Variants in GLRA3 observed in about 807,000 individuals in gnomAD.
GLRA3 encodes the protein glycine receptor subunit alpha-3.
A neutral mutation model predicts 60.4 loss-of-function variants in GLRA3; 44 were observed. The observed-to-expected ratio is 0.73, with a 90% CI of 0.57 to 0.94. The LOEUF is 0.94. GLRA3 is among the 40% of genes least tolerant of loss of function. The pLI is 0.00. For missense variants in GLRA3, 508 were observed against 564.6 expected, an observed-to-expected ratio of 0.90 and a Z score of 1.02; for synonymous variants, 223 against 192.9, an observed-to-expected ratio of 1.16 and a Z score of -1.29.
At position 174,705,090 on chromosome 4, in the gene GLRA3, T is replaced by C. The variant is rs1469197172; in HGVS notation, c.574+10398A>G. ...AAGATGGTACATTTTGTTTGTATATTGTTATACTTTGAATGTTTGTCCCTT... is the reference window on the plus strand; with the variant it reads ...AAGATGGTACATTTTGTTTGTATATCGTTATACTTTGAATGTTTGTCCCTT... On this transcript the variant is annotated intron_variant, in intron 5 of 9. Coordinates refer to ENST00000274093, the MANE Select transcript of GLRA3 (RefSeq NM_006529.4). Among the ~76,000 whole-genome samples the C allele has an allele frequency of 1.4e-5, 2 of 144,274 alleles. 1 individual carries two copies. The highest frequency in any genetic ancestry group is 3.1e-5 in the Non-Finnish European group (2 of 64,830). The allele number at this position is 144,274 out of a possible 152,430, so 94.6% of individuals were successfully genotyped here.
chr4:174,753,456 T>C (rs1737565787), intron 3 of GLRA3, among the ~76,000 whole-genome samples: 1 of 152,192 alleles, frequency 6.6e-6, no homozygotes, highest in Non-Finnish European at 1.5e-5. Flanking sequence ...TTATGACTAG[T>C]GCCAGTCATC....
intron 3 of GLRA3, among the ~76,000 whole-genome samples, chr4:174,733,292 T>C (rs536730834): frequency 6.6e-6 from 1 of 152,316 alleles, no homozygotes. Flanking sequence ...CAAAACACAC[T>C]GGACCTCTGA....
At chr4:174,754,652 C>A (rs1737619140) in intron 3 of GLRA3, among the ~76,000 whole-genome samples, 1 of 151,932 alleles carries the variant, frequency 6.6e-6, no homozygotes, top group Non-Finnish European at 1.5e-5. Context: ...AACCCATTGG[C>A]ATTAGATAAA....
chr4:174,669,792 C>G (rs1199968897), intron 7 of GLRA3, among the ~76,000 whole-genome samples: 1 of 152,054 alleles, frequency 6.6e-6, no homozygotes, highest in Non-Finnish European at 1.5e-5. Context: ...CTCAGGCTAG[C>G]CTTGAACTCC....
At chr4:174,743,120 A>T (rs1737090363) in intron 3 of GLRA3, among the ~76,000 whole-genome samples, 1 of 152,190 alleles carries the variant, frequency 6.6e-6, no homozygotes, top group Non-Finnish European at 1.5e-5. Context: ...GTTTCTGTAA[A>T]CCTTTTATAC....
At position 174,828,900 on chromosome 4, in the gene GLRA3, C is replaced by G; in HGVS notation, c.-89G>C. 1 of 916,458 alleles carries G rather than the reference C, an allele frequency of 1.1e-6. No individual in the cohort carries two copies. Among genetic ancestry groups the G allele is most frequent in the Non-Finnish European group, 1.8e-6 (1 of 550,956 alleles). The allele number at this position is 916,458 out of a possible 1,614,324, so 56.8% of individuals were successfully genotyped here. A position where few individuals can be genotyped will look rare whatever the true frequency, so the allele number is the denominator to read the frequency against. ...CAGAATGAAAATGTACAATCTAACCCCGCATGGTGTTGGTGTAGACTGATG... is the reference window on the plus strand; with the variant it reads ...CAGAATGAAAATGTACAATCTAACCGCGCATGGTGTTGGTGTAGACTGATG... On this transcript the variant is annotated 5_prime_UTR_variant, in exon 1 of 10. Transcript: ENST00000274093.
rs191022666 is a variant in GLRA3, at chr4:174,654,658, T to C, written c.1116+2085A>G. ...AATGCATTAAAGCAATCTCATTTCA[T>C]TCATATCTCTCAACAAATAACATGT... On this transcript the variant is annotated intron_variant, in intron 9 of 9. Coordinates refer to ENST00000274093, the MANE Select transcript of GLRA3 (RefSeq NM_006529.4). Among the ~76,000 whole-genome samples the C allele has an allele frequency of 2.0e-3, 310 of 152,268 alleles. 1 individual carries two copies. Among genetic ancestry groups the C allele is most frequent in the African/African-American group, 7.2e-3 (300 of 41,550 alleles).
chr4:174,769,540 T>C (rs528927444), intron 2 of GLRA3, among the ~76,000 whole-genome samples: 1 of 152,252 alleles, frequency 6.6e-6, no homozygotes, highest in South Asian at 2.1e-4. Context: ...TACAGATCCA[T>C]CAGGTTCTCT....
At chr4:174,680,815 T>C (rs1216193896) in intron 6 of GLRA3, among the ~76,000 whole-genome samples, 1 of 152,206 alleles carries the variant, frequency 6.6e-6, no homozygotes, top group East Asian at 1.9e-4. Flanking sequence ...AACTTAAGTA[T>C]ATTTCATTTT....
intron 5 of GLRA3, among the ~76,000 whole-genome samples, chr4:174,709,533 GCAA>G (rs548964183): frequency 1.5e-3 from 226 of 152,084 alleles, no homozygotes; most frequent in Middle Eastern, 0.01. Flanking sequence ...ATAAATGAAA[GCAA>G]CACGTTTTCT....
At chr4:174,661,083 C>A (rs10017315) in intron 7 of GLRA3, among the ~76,000 whole-genome samples, 13,744 of 152,088 alleles carry the variant, frequency 0.09, 923 homozygotes, top group African/African-American at 0.17. Context: ...TTTTTAGAAA[C>A]CAAGATCTGG....
At chr4:174,783,022 G>C (rs1285212479) in intron 2 of GLRA3, among the ~76,000 whole-genome samples, 1 of 152,164 alleles carries the variant, frequency 6.6e-6, no homozygotes, top group Admixed American at 6.5e-5. Flanking sequence ...TCAATCCTAA[G>C]CCAAAAGAAC....
At position 174,828,869 on chromosome 4, in the gene GLRA3, G is replaced by C. The variant is rs561739700; in HGVS notation, c.-58C>G. The C allele has an allele frequency of 4.4e-6, 5 of 1,137,128 alleles. No individual in the cohort carries two copies. The highest frequency in any genetic ancestry group is 6.7e-6 in the Non-Finnish European group (5 of 744,760). The allele number at this position is 1,137,128 out of a possible 1,614,324, so 70.4% of individuals were successfully genotyped here. On this transcript the variant is annotated 5_prime_UTR_variant, in exon 1 of 10. Coordinates refer to ENST00000274093, the MANE Select transcript of GLRA3 (RefSeq NM_006529.4). The stretch of plus-strand genomic sequence containing the variant: ...GTCTTATCCAAGGCATGGGGAACCA[G>C]AAAGACAGAATGAAAATGTACAATC...
chr4:174,718,224 T>G (rs1315994362), intron 4 of GLRA3, among the ~76,000 whole-genome samples: 1 of 152,232 alleles, frequency 6.6e-6, no homozygotes, highest in Non-Finnish European at 1.5e-5. Flanking sequence ...GGTTTGATAC[T>G]GAATTTCTTT....
intron 3 of GLRA3, among the ~76,000 whole-genome samples, chr4:174,745,063 C>G (rs1220313115): frequency 6.6e-6 from 1 of 152,020 alleles, no homozygotes; most frequent in East Asian, 1.9e-4. Flanking sequence ...AAGAAAGAAC[C>G]ACAGAACTTG....
chr4:174,652,055 T>C (rs532968503), intron 9 of GLRA3, among the ~76,000 whole-genome samples: 1 of 152,092 alleles, frequency 6.6e-6, no homozygotes, highest in South Asian at 2.1e-4. Flanking sequence ...ATTTTAAGCA[T>C]GGATGAAGCT....
At position 174,677,650 on chromosome 4, in the gene GLRA3, G is replaced by A. The variant is rs548629373; in HGVS notation, c.713-358C>T. On this transcript the variant is annotated intron_variant, in intron 6 of 9. Coordinates refer to ENST00000274093, the MANE Select transcript of GLRA3 (RefSeq NM_006529.4). Reference sequence around the variant, plus strand: ...GTTGGGATTACAGGTGGGAGCCACTGCTCCCGGCCTCACAATTTCATTTTG... The same window carrying A: ...GTTGGGATTACAGGTGGGAGCCACTACTCCCGGCCTCACAATTTCATTTTG... 1.1e-4 allele frequency among the ~76,000 whole-genome samples: 16 copies of A among 152,004 alleles called. No homozygotes were observed. In the South Asian group the frequency reaches 2.3e-3, roughly 22 times the overall value.
intron 3 of GLRA3, 124 bp from the exon 4 acceptor site, chr4:174,728,822 G>A (rs754819690): frequency 3.0e-5 from 18 of 603,822 alleles, no homozygotes; most frequent in African/African-American, 7.4e-5. Context: ...TCTTGGGGAC[G>A]GGGTGTATAG....
At chr4:174,666,450 A>T (rs1402821654) in intron 7 of GLRA3, among the ~76,000 whole-genome samples, 22 of 152,086 alleles carry the variant, frequency 1.4e-4, no homozygotes, top group Admixed American at 1.4e-3. Context: ...TAGTAAATAT[A>T]CTAAAGTTGT....
Sources: allele counts gnomAD v4.1 joint callset (sites outside exome capture counted in the v4.1 genomes callset), GRCh38; gene constraint gnomAD v4.1.1; transcripts MANE v1.5; gene names NCBI Gene and HGNC (gene_info 2026-07-23, HGNC 2026-07-21).